The following MAP1B variants were observed in gnomAD, a reference collection of about 807,000 sequenced individuals.
MAP1B encodes the protein microtubule-associated protein 1B.
In MAP1B, 12 loss-of-function variants were observed where a neutral mutation model predicts 176.1. The observed-to-expected ratio is 0.07, with a 90% CI of 0.04 to 0.11. MAP1B has a LOEUF of 0.11. Among genes scored for constraint, MAP1B ranks in the 10% least tolerant of loss-of-function variants. The pLI, the probability that MAP1B is intolerant of heterozygous loss-of-function variation, is 1.00. For missense variants in MAP1B, 2,523 were observed against 2,990.5 expected, an observed-to-expected ratio of 0.84 and a Z score of 3.65; for synonymous variants, 1,044 against 1,135.0, an observed-to-expected ratio of 0.92 and a Z score of 1.61.
At chr5:72,108,141 C>A (rs1745156622) in intron 1 of MAP1B, among the ~76,000 whole-genome samples, 1 of 152,222 alleles carries the variant, frequency 6.6e-6, no homozygotes, top group African/African-American at 2.4e-5. Flanking sequence ...AGACCTGGGG[C>A]CGAAGCCCAT....
At position 72,186,555 on chromosome 5, in the gene MAP1B, G is replaced by T; in HGVS notation, c.370-59G>T. The T allele has an allele frequency of 6.3e-7, 1 of 1,595,878 alleles. No individual in the cohort carries two copies. On this transcript the variant is annotated intron_variant, in intron 3 of 6. Transcript: ENST00000296755. The surrounding 1 kb of genome is among the most constrained non-coding windows in gnomAD (Gnocchi z 4.3). ...TGGCTCCGAAGGCTAGCCCTGTCCT[G>T]AAGGTGGGATGGCAGCACTGCCCAT...
chr5:72,199,959 C>G lies in MAP1B; in HGVS notation c.6604C>G (p.Pro2202Ala). ...CACGTACAAACACATGGACCCACCTCCAGCTCCCGTGCAAGACCGCAGCCC... is the reference window on the plus strand; with the variant it reads ...CACGTACAAACACATGGACCCACCTGCAGCTCCCGTGCAAGACCGCAGCCC... ...TVTYKHMDPP[P>A]APVQDRSPSP... Residue 2202 changes from proline (P) to alanine (A), a missense_variant, in exon 5 of 7, where the codon CCA (proline) becomes GCA (alanine). Pro to Ala is a conservative substitution (Grantham distance 27). Coordinates refer to ENST00000296755, the MANE Select transcript of MAP1B (RefSeq NM_005909.5). The surrounding 1 kb of genome is among the most constrained non-coding windows in gnomAD (Gnocchi z 4.2). 1 of 1,614,220 alleles carries G rather than the reference C, an allele frequency of 6.2e-7. No homozygotes were observed.
Position 72,205,309 on chromosome 5 carries a change from T to C in MAP1B, c.*70T>C. The C allele has an allele frequency of 1.3e-6, 2 of 1,501,488 alleles. No individual in the cohort carries two copies. The highest frequency in any genetic ancestry group is 1.4e-5 in the African/African-American group (1 of 72,108). The allele number at this position is 1,501,488 out of a possible 1,614,324, so 93.0% of individuals were successfully genotyped here. Reference sequence around the variant, plus strand: ...AAATTCTTCAATTTGAAATCACCTTTTCTAAAAAGTCAATTCATCTAGTTA... The same window carrying C: ...AAATTCTTCAATTTGAAATCACCTTCTCTAAAAAGTCAATTCATCTAGTTA... On this transcript the variant is annotated 3_prime_UTR_variant, in exon 7 of 7. Coordinates refer to ENST00000296755, the MANE Select transcript of MAP1B (RefSeq NM_005909.5).
In MAP1B at chr5:72,118,349, A is replaced by G. The variant is rs567258823; in HGVS notation, c.286+2550A>G. Among the ~76,000 whole-genome samples, 11 of 151,422 alleles carry G rather than the reference A, an allele frequency of 7.3e-5. No homozygotes were observed. In the South Asian group the frequency reaches 2.3e-3, roughly 32 times the overall value. On this transcript the variant is annotated intron_variant, in intron 2 of 6. Transcript: ENST00000296755. ...TTAAATTAACTTAGAACCAAGGAGC[A>G]AGATGAAGGATGGATCCCCTAAAAA...
chr5:72,179,575 C>T, intron 2 of MAP1B: 3 of 981,204 alleles, frequency 3.1e-6, no homozygotes, highest in Non-Finnish European at 3.6e-6. Context: ...AGCTGGCACC[C>T]ACGGGTATGC....
At chr5:72,156,267 G>A (rs4301215) in intron 2 of MAP1B, among the ~76,000 whole-genome samples, 107,047 of 151,968 alleles carry the variant, frequency 0.7, 38,076 homozygotes, top group South Asian at 0.86. Flanking sequence ...AACCACCTCT[G>A]CTCCTCAACC....
chr5:72,166,400 C>G (rs530368028), intron 2 of MAP1B, among the ~76,000 whole-genome samples: 1 of 152,238 alleles, frequency 6.6e-6, no homozygotes, highest in South Asian at 2.1e-4. Context: ...TCCCGGTACA[C>G]GATGGGCATC....
chr5:72,176,700 G>A (rs1177031631), intron 2 of MAP1B, among the ~76,000 whole-genome samples: 1 of 152,174 alleles, frequency 6.6e-6, no homozygotes, highest in East Asian at 1.9e-4. Flanking sequence ...GGACCCAGGA[G>A]GGATGGCACC....
In MAP1B at chr5:72,195,953, A is replaced by T; in HGVS notation, c.2598A>T (p.Lys866Asn). Residue 866 changes from lysine to asparagine, a missense_variant, in exon 5 of 7, where the codon AAA becomes AAT. Physicochemically the swap from Lys to Asn is moderately conservative, Grantham distance 94 (BLOSUM62 0). This residue lies in a region of MAP1B where 1,925 missense variants were observed against 2,126.0 expected (regional missense o/e 0.91). Transcript: ENST00000296755. ...PQLELIEDEE[K>N]LKETEPVEAY... The stretch of plus-strand genomic sequence containing the variant: ...TGGAGCTAATCGAAGACGAAGAGAA[A>T]CTGAAGGAAACTGAGCCAGTCGAAG... The T allele has an allele frequency of 1.2e-6, 2 of 1,614,240 alleles. No homozygotes were observed. The highest frequency in any genetic ancestry group is 1.7e-6 in the Non-Finnish European group (2 of 1,180,046).
chr5:72,196,989 T>C lies in MAP1B; in HGVS notation c.3634T>C (p.Ser1212Pro), dbSNP rs1362408394. Reference protein sequence around the residue: ...ASASTISPPSSMEEDKFSRSA... With the variant: ...ASASTISPPSPMEEDKFSRSA... ...AGCCTCTACCATATCACCACCCTCT[T>C]CCATGGAGGAAGACAAATTCAGCAG... is the stretch of plus-strand genomic sequence containing the variant. The change falls in exon 5 of 7, where the codon TCC becomes CCC. Residue 1212 changes from serine to proline, a missense_variant. This residue lies in a region of MAP1B where 1,925 missense variants were observed against 2,126.0 expected (regional missense o/e 0.91). Transcript: ENST00000296755. The surrounding 1 kb of genome is among the most constrained non-coding windows in gnomAD (Gnocchi z 5.3). 1 of 1,614,170 alleles carries C rather than the reference T, an allele frequency of 6.2e-7. No individual in the cohort carries two copies. The highest frequency in any genetic ancestry group is 8.5e-7 in the Non-Finnish European group (1 of 1,180,032).
chr5:72,205,168 A>G lies in MAP1B; in HGVS notation c.7336A>G (p.Met2446Val), dbSNP rs1174484755. ...TGAGAAACAGCAAGATCTCAACATC[A>G]TGGTTTTAGCAAGCAGCAGCACAGT... ...THEKQQDLNI[M>V]VLASSSTVVM... The change falls in exon 7 of 7, where the codon ATG (methionine) becomes GTG (valine). Residue 2446 changes from methionine (M) to valine (V), a missense_variant. Transcript: ENST00000296755. The G allele has an allele frequency of 5.6e-6, 9 of 1,613,888 alleles. No homozygotes were observed. Among genetic ancestry groups the G allele is most frequent in the Middle Eastern group, 1.6e-4 (1 of 6,084 alleles).
At position 72,194,016 on chromosome 5, in the gene MAP1B, C is replaced by T; in HGVS notation, c.661C>T (p.Pro221Ser). 6.2e-7 allele frequency: 1 copy of T among 1,614,180 alleles called. No individual in the cohort carries two copies. Among genetic ancestry groups the T allele is most frequent in the Non-Finnish European group, 8.5e-7 (1 of 1,180,038 alleles). The change falls in exon 5 of 7, where the codon CCA (proline) becomes TCA (serine). Residue 221 changes from proline to serine, a missense_variant. This residue lies in a region of MAP1B where 307 missense variants were observed against 438.4 expected (regional missense o/e 0.70). Transcript: ENST00000296755. The surrounding 1 kb of genome is among the most constrained non-coding windows in gnomAD (Gnocchi z 7.2). ...NIKLNSASIL[P>S]EMEGLSEFTE... ...TAAACTCAATTCAGCTTCTATCTTG[C>T]CAGAAATGGAAGGACTTTCTGAGTT... is the stretch of plus-strand genomic sequence containing the variant.
chr5:72,180,901 T>A (rs1010455485), intron 2 of MAP1B, among the ~76,000 whole-genome samples: 3 of 152,210 alleles, frequency 2.0e-5, no homozygotes, highest in Admixed American at 2.0e-4. Flanking sequence ...TTTTAACAAA[T>A]TTTAGTTCCA....
intron 2 of MAP1B, among the ~76,000 whole-genome samples, chr5:72,155,074 G>A (rs758342892): frequency 3.9e-5 from 6 of 152,168 alleles, no homozygotes; most frequent in East Asian, 1.9e-4. Flanking sequence ...CATTGTTACC[G>A]TGTCCTTACA....
In MAP1B at chr5:72,195,192, C is replaced by G; in HGVS notation, c.1837C>G (p.Pro613Ala). 1 of 1,613,738 alleles carries G rather than the reference C, an allele frequency of 6.2e-7. No homozygotes were observed. The highest frequency in any genetic ancestry group is 8.5e-7 in the Non-Finnish European group (1 of 1,179,972). The change falls in exon 5 of 7, where the codon CCA becomes GCA. Residue 613 changes from proline (P) to alanine (A), a missense_variant. Around this residue, in one of 4 missense-constraint regions of MAP1B, gnomAD observed 1,925 missense variants for 2,126.0 expected, o/e 0.91. Transcript: ENST00000296755. Reference protein sequence around the residue: ...TEKEVPSKEEPSPVKAEVAEK... With the variant: ...TEKEVPSKEEASPVKAEVAEK... ...AAAGGAGGTTCCCAGCAAAGAAGAG[C>G]CATCTCCAGTGAAAGCCGAGGTGGC...
chr5:72,120,535 C>T (rs1349734803), intron 2 of MAP1B, among the ~76,000 whole-genome samples: 1 of 151,952 alleles, frequency 6.6e-6, no homozygotes, highest in East Asian at 1.9e-4. Flanking sequence ...CACCATTCTC[C>T]TGCTTCAGTC....
chr5:72,205,306 CT>C lies in MAP1B; in HGVS notation c.*71del. The stretch of plus-strand genomic sequence containing the variant: ...CAGAAATTCTTCAATTTGAAATCAC[CT>C]TTTCTAAAAAGTCAATTCATCTAGT... On this transcript the variant is annotated 3_prime_UTR_variant, in exon 7 of 7. Transcript: ENST00000296755. 6.6e-7 allele frequency: 1 copy of C among 1,523,610 alleles called. No individual in the cohort carries two copies. The highest frequency in any genetic ancestry group is 8.9e-7 in the Non-Finnish European group (1 of 1,118,708). 94.4% of individuals were successfully genotyped at this position (1,523,610 alleles called of 1,614,324 possible).
At chr5:72,107,761 A>G (rs1482200645) in intron 1 of MAP1B, 46 bp downstream of exon 1, 1 of 1,588,416 alleles carries the variant, frequency 6.3e-7, no homozygotes, top group Non-Finnish European at 8.5e-7. Context: ...GAGACGCGCA[A>G]ACACGACCCC....
Position 72,200,289 on chromosome 5 carries a change from C to T in MAP1B, c.6934C>T (p.Arg2312Cys), listed in dbSNP as rs1561318798. 11 of 1,614,166 alleles carry T rather than the reference C, an allele frequency of 6.8e-6. No homozygotes were observed. The highest frequency in any genetic ancestry group is 4.4e-5 in the South Asian group (4 of 91,076). The change falls in exon 5 of 7, where the codon CGT becomes TGT. Residue 2312 changes from arginine to cysteine, a missense_variant. Physicochemically the swap from Arg to Cys is radical, Grantham distance 180. Transcript: ENST00000296755. ...CACCACTCCTGAGGTCAAAGCTGCA[C>T]GTGGGGAAGAGAAAGACAAGGAGAC... Reference protein sequence around the residue: ...PTTTPEVKAARGEEKDKETKN... With the variant: ...PTTTPEVKAACGEEKDKETKN...
Sources: allele counts gnomAD v4.1 joint callset (sites outside exome capture counted in the v4.1 genomes callset), GRCh38; gene constraint gnomAD v4.1.1; regional missense constraint gnomAD v4.1.1; non-coding constraint Gnocchi (gnomAD v3.1); transcripts MANE v1.5; gene names NCBI Gene and HGNC (gene_info 2026-07-23, HGNC 2026-07-21).